Variants in PDE1A observed in about 807,000 individuals in gnomAD.
The protein encoded by PDE1A is phosphodiesterase 1A.
Under a neutral mutation model 61.7 loss-of-function variants are expected in PDE1A, and 35 were observed. The ratio of observed to expected loss-of-function variants is 0.57; its 90% CI spans 0.43 to 0.75. PDE1A has a LOEUF of 0.75. Ranked by LOEUF, PDE1A falls within the 30% of genes least tolerant of loss-of-function variation. The pLI, the probability that PDE1A is intolerant of heterozygous loss-of-function variation, is 0.00. For synonymous variants in PDE1A, 232 were observed against 213.2 expected (o/e 1.09, Z -0.77); for missense variants, 597 against 630.6 (o/e 0.95, Z 0.57).
chr2:182,533,466 C>T, the PDE1A span, among the ~76,000 whole-genome samples: 1 of 151,874 alleles, frequency 6.6e-6, no homozygotes, highest in African/African-American at 2.4e-5. Context: ...GGAATAGCTG[C>T]CAGATAATGG....
exon 14 of PDE1A, chr2:182,147,133 C>A (rs373935716): frequency 2.5e-6 from 4 of 1,600,616 alleles, no homozygotes; most frequent in Non-Finnish European, 3.4e-6. Context: ...CTTCTGAGTT[C>A]TTATGAAGAT....
chr2:182,234,331 T>C, intron 4 of PDE1A, 101 bp downstream of exon 4: 1 of 746,904 alleles, frequency 1.3e-6, no homozygotes, highest in Non-Finnish European at 2.3e-6. Flanking sequence ...CGTTCTAAGA[T>C]GTAGGCTGCA....
chr2:182,635,033 A>T, the PDE1A span, among the ~76,000 whole-genome samples: 1 of 152,174 alleles, frequency 6.6e-6, no homozygotes, highest in Non-Finnish European at 1.5e-5. Flanking sequence ...ATTATAGGAC[A>T]ATAAATCAAT....
intron 1 of PDE1A, among the ~76,000 whole-genome samples, chr2:182,332,183 G>T (rs111480020): frequency 1.3e-5 from 2 of 152,112 alleles, no homozygotes; most frequent in Non-Finnish European, 2.9e-5. Flanking sequence ...TTCTCGTGCT[G>T]CATTTTTCAG....
At chr2:182,635,384 A>G in the PDE1A span, among the ~76,000 whole-genome samples, 2 of 151,988 alleles carry the variant, frequency 1.3e-5, no homozygotes, top group Non-Finnish European at 2.9e-5. Context: ...GATGTTTCCA[A>G]TTTATGCTAA....
chr2:182,238,974 C>G (rs1690283283), intron 3 of PDE1A, among the ~76,000 whole-genome samples: 3 of 152,106 alleles, frequency 2.0e-5, no homozygotes, highest in Non-Finnish European at 2.9e-5. Context: ...CAAACATACT[C>G]TCATGTTTCA....
chr2:182,183,606 G>T (rs188552315), intron 13 of PDE1A, among the ~76,000 whole-genome samples: 80 of 152,152 alleles, frequency 5.3e-4, no homozygotes, highest in African/African-American at 1.8e-3. Context: ...GGGGTAAAGG[G>T]TAAACCAGCA....
intron 2 of PDE1A, among the ~76,000 whole-genome samples, chr2:182,245,708 A>T (rs1204675799): frequency 7.8e-6 from 1 of 128,300 alleles, no homozygotes; most frequent in Non-Finnish European, 1.7e-5. Context: ...ATATTGCTAA[A>T]TAATATTCTA....
intron 7 of PDE1A, among the ~76,000 whole-genome samples, chr2:182,215,729 C>T (rs1236460685): frequency 2.9e-5 from 3 of 104,564 alleles, no homozygotes; most frequent in Non-Finnish European, 5.8e-5. Flanking sequence ...GAAGTTGAAT[C>T]TCTGAATAGA....
At chr2:182,208,079 C>T (rs1687261837) in intron 7 of PDE1A, among the ~76,000 whole-genome samples, 1 of 152,178 alleles carries the variant, frequency 6.6e-6, no homozygotes, top group African/African-American at 2.4e-5. Flanking sequence ...CATGGAGAAC[C>T]TCTAGTAGGG....
chr2:182,653,738 G>T, the PDE1A span, among the ~76,000 whole-genome samples: 1 of 152,086 alleles, frequency 6.6e-6, no homozygotes, highest in East Asian at 1.9e-4. Context: ...CTTCTGATAG[G>T]CCCAGCATTC....
At chr2:182,522,492 A>T in intron 1 of PDE1A, 1 of 1,532,856 alleles carries the variant, frequency 6.5e-7, no homozygotes, top group Non-Finnish European at 8.8e-7. Context: ...CTATCAAAAC[A>T]GTGCTGATGT....
intron 2 of PDE1A, among the ~76,000 whole-genome samples, chr2:182,259,566 A>G (rs1241225446): frequency 6.6e-6 from 1 of 152,186 alleles, no homozygotes; most frequent in Non-Finnish European, 1.5e-5. Flanking sequence ...CCTTACTCTT[A>G]TTTTGTAGAT....
chr2:182,185,175 T>C (rs1218538869), intron 13 of PDE1A, among the ~76,000 whole-genome samples: 1 of 152,076 alleles, frequency 6.6e-6, no homozygotes, highest in Non-Finnish European at 1.5e-5. Context: ...CCTGGAGTAT[T>C]TTAAGAAACT....
chr2:182,509,455 T>A (rs1432997874), intron 2 of PDE1A, among the ~76,000 whole-genome samples: 2 of 152,200 alleles, frequency 1.3e-5, no homozygotes, highest in East Asian at 3.8e-4. Flanking sequence ...CAGCTTTTAA[T>A]TCCTGAAATG....
the PDE1A span, among the ~76,000 whole-genome samples, chr2:182,638,444 G>A: frequency 6.6e-6 from 1 of 152,232 alleles, no homozygotes; most frequent in East Asian, 1.9e-4. Context: ...ACAGAGGCAG[G>A]AGAATCACTT....
chr2:182,190,392 G>A (rs1334269941), intron 10 of PDE1A, among the ~76,000 whole-genome samples: 4 of 152,176 alleles, frequency 2.6e-5, no homozygotes, highest in Non-Finnish European at 5.9e-5. Context: ...AGATGGAAGG[G>A]AATTATTAAT....
chr2:182,461,715 G>C (rs1686300342), intron 2 of PDE1A, among the ~76,000 whole-genome samples: 1 of 152,102 alleles, frequency 6.6e-6, no homozygotes, highest in African/African-American at 2.4e-5. Flanking sequence ...GAAGATTCCA[G>C]TGCTGGTGCT....
chr2:182,334,597 A>C (rs1448730216), intron 1 of PDE1A, among the ~76,000 whole-genome samples: 1 of 152,186 alleles, frequency 6.6e-6, no homozygotes, highest in Admixed American at 6.5e-5. Flanking sequence ...GAAAACTCTC[A>C]ATGAACTAGG....
Sources: gnomAD v4.1 joint callset for allele counts (sites outside exome capture counted in the v4.1 genomes callset) on GRCh38, gnomAD v4.1.1 for gene constraint, MANE v1.5 for transcripts, NCBI Gene and HGNC (gene_info 2026-07-23, HGNC 2026-07-21) for gene names.